The following DSCAML1 variants were observed in gnomAD, a reference collection of about 807,000 sequenced individuals.
DSCAML1 encodes cell adhesion molecule DSCAML1.
DSCAML1 carries 38 observed loss-of-function variants against 200.5 expected under a neutral mutation model. The ratio of observed to expected loss-of-function variants is 0.19; its 90% CI spans 0.15 to 0.25. The LOEUF is 0.25. DSCAML1 is among the 10% of genes least tolerant of loss of function. DSCAML1 has a pLI of 1.00. For missense variants in DSCAML1, 2,223 were observed against 2,858.8 expected (o/e 0.78, Z 5.07); for synonymous variants, 1,215 against 1,165.0 (o/e 1.04, Z -0.87).
At chr11:117,481,859 G>C in intron 12 of DSCAML1, 104 bp downstream of exon 12, 1 of 1,345,468 alleles carries the variant, frequency 7.4e-7, no homozygotes. Flanking sequence ...TGTGGGGAGG[G>C]GCTCCCAGGC....
chr11:117,545,815 CAA>C (rs1056654752), intron 3 of DSCAML1, among the ~76,000 whole-genome samples: 1 of 152,218 alleles, frequency 6.6e-6, no homozygotes, highest in Admixed American at 6.5e-5. Flanking sequence ...CACCCTCAAT[CAA>C]AGACTCAGAT....
intron 3 of DSCAML1, among the ~76,000 whole-genome samples, chr11:117,614,226 T>A (rs1208724114): frequency 6.6e-6 from 1 of 152,162 alleles, no homozygotes; most frequent in Non-Finnish European, 1.5e-5. Flanking sequence ...CTTGAGAACA[T>A]GGGCTTTGCA....
chr11:117,437,974 G>A lies in DSCAML1; in HGVS notation c.4353C>T (p.Tyr1451=). ...KLDSLKCGTW[Y]KVKLAAKNSV... is the part of the protein sequence containing the mutation. ...TGTTCTTGGCTGCCAGCTTCACCTT[G>A]TACCACGTGCCACACTTGAGGCTGT... The change falls in exon 25 of 33, where the codon TAC becomes TAT. Residue 1451 remains tyrosine (Y), a synonymous_variant. Transcript: ENST00000651296. This position sits in a 1 kb window ranked among gnomAD's most constrained non-coding sequence, Gnocchi z 5.3. 1 of 1,614,088 alleles carries A rather than the reference G, an allele frequency of 6.2e-7. No homozygotes were observed.
At chr11:117,549,565 A>T (rs938548734) in intron 3 of DSCAML1, among the ~76,000 whole-genome samples, 1 of 152,194 alleles carries the variant, frequency 6.6e-6, no homozygotes, top group Non-Finnish European at 1.5e-5. Context: ...AATCACACAG[A>T]GTTGTAGTGG....
chr11:117,559,758 C>T (rs1269978216), intron 3 of DSCAML1, among the ~76,000 whole-genome samples: 1 of 152,094 alleles, frequency 6.6e-6, no homozygotes, highest in Non-Finnish European at 1.5e-5. Flanking sequence ...GGGCAGAGAG[C>T]TCCCACTGGA....
At chr11:117,738,311 A>C (rs1432076016) in intron 3 of DSCAML1, among the ~76,000 whole-genome samples, 1 of 152,146 alleles carries the variant, frequency 6.6e-6, no homozygotes, top group East Asian at 1.9e-4. Flanking sequence ...CACAAAATGA[A>C]ACCTATTTTG....
At chr11:117,525,146 GA>G in intron 4 of DSCAML1, 63 bp from the exon 5 acceptor site, 1 of 1,465,880 alleles carries the variant, frequency 6.8e-7, no homozygotes, top group Admixed American at 2.8e-5. Context: ...GGCGCTGGGG[GA>G]GGGAAGGCAA....
chr11:117,589,799 TC>T (rs1486788082), intron 3 of DSCAML1, among the ~76,000 whole-genome samples: 1 of 152,220 alleles, frequency 6.6e-6, no homozygotes, highest in Non-Finnish European at 1.5e-5. Context: ...ACTTTCTTGC[TC>T]CTTTGAGTTT....
At position 117,492,302 on chromosome 11, in the gene DSCAML1, C is replaced by T. The variant is rs756248901; in HGVS notation, c.2360-10140G>A. Among the ~76,000 whole-genome samples, 9 of 152,190 alleles carry T rather than the reference C, an allele frequency of 5.9e-5. 1 individual carries two copies. The highest frequency in any genetic ancestry group is 6.3e-3 in the Middle Eastern group (2 of 316). On this transcript the variant is annotated intron_variant, in intron 11 of 32. Coordinates refer to ENST00000651296, the MANE Select transcript of DSCAML1 (RefSeq NM_020693.4). The stretch of plus-strand genomic sequence containing the variant: ...AAGGGACTTGACTTTGTCAGAAAGT[C>T]CTCCTGAAAGTCTAACTGAAATCTC...
chr11:117,763,768 A>C (rs888963992), intron 3 of DSCAML1, among the ~76,000 whole-genome samples: 5 of 151,850 alleles, frequency 3.3e-5, no homozygotes, highest in East Asian at 2.0e-4. Flanking sequence ...TCCTGATCTA[A>C]TTGTTCTGGG....
In DSCAML1 at chr11:117,469,966, G is replaced by A; in HGVS notation, c.2968C>T (p.Pro990Ser). Residue 990 changes from proline to serine, a missense_variant, in exon 16 of 33, where the codon CCC becomes TCC. Transcript: ENST00000651296. The surrounding 1 kb of genome is among the most constrained non-coding windows in gnomAD (Gnocchi z 4.1). ...STEEAAPDGPPMDVTLQPVTS... is the reference protein window; with the variant it reads ...STEEAAPDGPSMDVTLQPVTS... ...ACTGGCTGCAAGGTAACATCCATGG[G>A]GGGCCCATCGGGAGCTGAGCAGGGT... 5.0e-6 allele frequency: 8 copies of A among 1,605,370 alleles called. No individual in the cohort carries two copies. Among genetic ancestry groups the A allele is most frequent in the Non-Finnish European group, 6.0e-6 (7 of 1,174,366 alleles).
At chr11:117,577,326 A>G (rs1027637009) in intron 3 of DSCAML1, among the ~76,000 whole-genome samples, 3 of 152,154 alleles carry the variant, frequency 2.0e-5, no homozygotes, top group Non-Finnish European at 4.4e-5. Context: ...AAAAAGCTCT[A>G]CAGTGATTTT....
intron 3 of DSCAML1, among the ~76,000 whole-genome samples, chr11:117,765,425 T>C (rs1302226732): frequency 2.0e-5 from 3 of 152,162 alleles, no homozygotes; most frequent in African/African-American, 7.2e-5. Flanking sequence ...ATCCTCCCCA[T>C]CTAGCCCTCA....
chr11:117,462,472 C>G (rs1487043372), intron 17 of DSCAML1, among the ~76,000 whole-genome samples: 1 of 152,218 alleles, frequency 6.6e-6, no homozygotes, highest in Non-Finnish European at 1.5e-5. Flanking sequence ...GGACAAAGCG[C>G]AAGACGGAGT....
intron 3 of DSCAML1, among the ~76,000 whole-genome samples, chr11:117,614,238 C>T (rs147218785): frequency 8.5e-5 from 13 of 152,306 alleles, no homozygotes; most frequent in Admixed American, 8.5e-4. Context: ...GGCTTTGCAT[C>T]TGCTCACATC....
At chr11:117,449,075 T>G (rs536334084) in intron 20 of DSCAML1, among the ~76,000 whole-genome samples, 1 of 152,102 alleles carries the variant, frequency 6.6e-6, no homozygotes, top group Non-Finnish European at 1.5e-5. Context: ...GCGAATGAAA[T>G]TCAGGAATTC....
chr11:117,677,860 G>A (rs566290773), intron 3 of DSCAML1, among the ~76,000 whole-genome samples: 1 of 152,308 alleles, frequency 6.6e-6, no homozygotes, highest in East Asian at 1.9e-4. Flanking sequence ...ACAACCCCAG[G>A]CAGCCTTGCT....
chr11:117,762,035 A>T (rs143969625), intron 3 of DSCAML1, among the ~76,000 whole-genome samples: 274 of 152,234 alleles, frequency 1.8e-3, no homozygotes, highest in African/African-American at 5.7e-3. Flanking sequence ...AACAACCAGT[A>T]CAGCATCGAC....
At chr11:117,757,077 C>A (rs1160811498) in intron 3 of DSCAML1, among the ~76,000 whole-genome samples, 1 of 152,032 alleles carries the variant, frequency 6.6e-6, no homozygotes, top group Admixed American at 6.6e-5. Flanking sequence ...AGGAGGAGGA[C>A]CTACGGGTGG....
Sources: allele counts gnomAD v4.1 joint callset (sites outside exome capture counted in the v4.1 genomes callset), GRCh38; gene constraint gnomAD v4.1.1; non-coding constraint Gnocchi (gnomAD v3.1); transcripts MANE v1.5; gene names NCBI Gene and HGNC (gene_info 2026-07-23, HGNC 2026-07-21).